The following EXOC6B variants were observed in gnomAD, a reference collection of about 807,000 sequenced individuals.
The protein encoded by EXOC6B is exocyst complex component 6B, also known as SEC15 homolog B.
In EXOC6B, 54 loss-of-function variants were observed where a neutral mutation model predicts 113.5. That is an observed-to-expected ratio of 0.48 (90% confidence interval 0.38 to 0.60). The LOEUF (loss-of-function observed/expected upper bound fraction) is 0.60, where lower values mean the gene tolerates loss of function less well. Ranked by LOEUF, EXOC6B falls within the 20% of genes least tolerant of loss-of-function variation. EXOC6B has a pLI of 0.00. For synonymous variants in EXOC6B, 357 were observed against 339.0 expected, an observed-to-expected ratio of 1.05 and a Z score of -0.58; for missense variants, 797 against 977.5, an observed-to-expected ratio of 0.82 and a Z score of 2.46.
chr2:72,623,516 A>C (rs144541501), intron 6 of EXOC6B, among the ~76,000 whole-genome samples: 1 of 152,278 alleles, frequency 6.6e-6, no homozygotes, highest in Non-Finnish European at 1.5e-5. Context: ...ATACAGAAAC[A>C]ATGCCCTTCA....
chr2:72,767,693 G>A (rs1683152280), intron 1 of EXOC6B, among the ~76,000 whole-genome samples: 3 of 150,210 alleles, frequency 2.0e-5, no homozygotes, highest in South Asian at 4.2e-4. Context: ...TGCACCTGTG[G>A]TCCCAGCTAC....
intron 20 of EXOC6B, among the ~76,000 whole-genome samples, chr2:72,264,379 T>C (rs112587221): frequency 0.24 from 37,079 of 152,030 alleles, 8,163 homozygotes; most frequent in African/African-American, 0.59. Context: ...GAGACTAGCC[T>C]GGCCAGCATG....
intron 19 of EXOC6B, among the ~76,000 whole-genome samples, chr2:72,353,885 C>G (rs182762270): frequency 6.6e-6 from 1 of 152,100 alleles, no homozygotes; most frequent in Non-Finnish European, 1.5e-5. Context: ...CTTATTCTTT[C>G]TGGTCCATGA....
At chr2:72,350,096 A>G (rs1689565881) in intron 19 of EXOC6B, among the ~76,000 whole-genome samples, 1 of 152,168 alleles carries the variant, frequency 6.6e-6, no homozygotes, top group Non-Finnish European at 1.5e-5. Flanking sequence ...AGCAGAAGTA[A>G]TTGTGAAAAC....
intron 6 of EXOC6B, among the ~76,000 whole-genome samples, chr2:72,617,353 ACTCTGTGTGGGGG>A (rs1462168129): frequency 7.9e-5 from 12 of 151,048 alleles, no homozygotes; most frequent in African/African-American, 2.9e-4. Flanking sequence ...CCCAGTAGGG[ACTCTGTGTGGGGG>A]CTCTGACCCC....
intron 19 of EXOC6B, among the ~76,000 whole-genome samples, chr2:72,377,582 C>T (rs912560435): frequency 6.6e-5 from 10 of 152,014 alleles, no homozygotes; most frequent in Admixed American, 4.6e-4. Flanking sequence ...ACCTGGAGGA[C>T]CTAATGTTTA....
intron 18 of EXOC6B, among the ~76,000 whole-genome samples, chr2:72,385,023 A>G (rs1258147659): frequency 6.6e-6 from 1 of 152,278 alleles, no homozygotes; most frequent in Non-Finnish European, 1.5e-5. Context: ...TAAAGTTCGT[A>G]TGGAACCACA....
chr2:72,402,254 C>T (rs536592881), intron 18 of EXOC6B, among the ~76,000 whole-genome samples: 1 of 152,038 alleles, frequency 6.6e-6, no homozygotes, highest in African/African-American at 2.4e-5. Context: ...AGGAATTTGT[C>T]GATTTCATCT....
At chr2:72,423,596 A>G (rs1695032404) in intron 18 of EXOC6B, among the ~76,000 whole-genome samples, 1 of 152,194 alleles carries the variant, frequency 6.6e-6, no homozygotes, top group African/African-American at 2.4e-5. Context: ...CAACATTTAT[A>G]ACTTAATGCT....
At chr2:72,537,466 A>C (rs1349469140) in intron 8 of EXOC6B, among the ~76,000 whole-genome samples, 1 of 151,328 alleles carries the variant, frequency 6.6e-6, no homozygotes, top group East Asian at 1.9e-4. Context: ...AAAAAAAAAA[A>C]AAACCCCACA....
intron 6 of EXOC6B, among the ~76,000 whole-genome samples, chr2:72,670,309 T>C (rs1298912885): frequency 6.6e-6 from 1 of 152,210 alleles, no homozygotes; most frequent in African/African-American, 2.4e-5. Context: ...TTTTTGTGAA[T>C]TGTGTAGATA....
chr2:72,485,453 AATAGTAGCATTGG>A (rs1289692901), intron 16 of EXOC6B, among the ~76,000 whole-genome samples: 1 of 152,190 alleles, frequency 6.6e-6, no homozygotes, highest in East Asian at 1.9e-4. Context: ...CAAAAAATGA[AATAGTAGCATTGG>A]TTCTCATTCA....
chr2:72,653,373 AG>A (rs1263435856), intron 6 of EXOC6B, among the ~76,000 whole-genome samples: 4 of 122,254 alleles, frequency 3.3e-5, no homozygotes, highest in Non-Finnish European at 6.5e-5. Flanking sequence ...ACATGGACAC[AG>A]GAAGGGGAAC....
chr2:72,535,473 C>G (rs1031362028), intron 8 of EXOC6B, among the ~76,000 whole-genome samples: 43 of 152,186 alleles, frequency 2.8e-4, no homozygotes, highest in Non-Finnish European at 8.8e-5. Flanking sequence ...CATATTGGTT[C>G]TCTAAAATGG....
intron 6 of EXOC6B, among the ~76,000 whole-genome samples, chr2:72,582,780 G>A (rs181442136): frequency 8.3e-4 from 127 of 152,188 alleles, no homozygotes; most frequent in Non-Finnish European, 1.5e-3. Context: ...TAACCAAAAC[G>A]GAAATTTAAA....
At chr2:72,208,361 A>T (rs1679963779) in intron 20 of EXOC6B, among the ~76,000 whole-genome samples, 1 of 151,954 alleles carries the variant, frequency 6.6e-6, no homozygotes, top group Non-Finnish European at 1.5e-5. Flanking sequence ...TCCTGCATTA[A>T]TTTGCTTAGG....
intron 19 of EXOC6B, among the ~76,000 whole-genome samples, chr2:72,376,096 G>C (rs1691340603): frequency 6.6e-6 from 1 of 151,970 alleles, no homozygotes; most frequent in Non-Finnish European, 1.5e-5. Flanking sequence ...TAATGAAGTA[G>C]TCTCAAGGTT....
At chr2:72,425,586 T>A (rs1422486893) in intron 18 of EXOC6B, among the ~76,000 whole-genome samples, 1 of 152,156 alleles carries the variant, frequency 6.6e-6, no homozygotes, top group African/African-American at 2.4e-5. Context: ...AAATCTCCAT[T>A]TTGCCAGTTC....
At chr2:72,536,042 C>A (rs1702271127) in intron 8 of EXOC6B, among the ~76,000 whole-genome samples, 1 of 151,912 alleles carries the variant, frequency 6.6e-6, no homozygotes, top group Non-Finnish European at 1.5e-5. Flanking sequence ...CAGTTTAAAG[C>A]ATTTTATTAA....
Sources: allele counts gnomAD v4.1 joint callset (sites outside exome capture counted in the v4.1 genomes callset), GRCh38; gene constraint gnomAD v4.1.1; transcripts MANE v1.5; gene names NCBI Gene and HGNC (gene_info 2026-07-23, HGNC 2026-07-21).